The following ANKS3 variants were observed in gnomAD, a reference collection of about 807,000 sequenced individuals.
ANKS3 encodes the protein ankyrin repeat and SAM domain-containing protein 3.
Under a neutral mutation model 80.7 loss-of-function variants are expected in ANKS3, and 62 were observed. The observed-to-expected ratio is 0.77, with a 90% CI of 0.63 to 0.95. ANKS3 has a LOEUF of 0.95. Among genes scored for constraint, ANKS3 ranks in the 40% least tolerant of loss-of-function variants. The pLI, the probability that ANKS3 is intolerant of heterozygous loss-of-function variation, is 0.00. For missense variants in ANKS3, 1,150 were observed against 883.6 expected (o/e 1.30, Z -3.82); for synonymous variants, 489 against 355.3 (o/e 1.38, Z -4.23).
chr16:4,734,141 C>T lies in ANKS3; in HGVS notation c.-274G>A. The T allele has an allele frequency of 1.7e-6, 1 of 584,356 alleles. No individual in the cohort carries two copies. The highest frequency in any genetic ancestry group is 2.2e-6 in the Non-Finnish European group (1 of 463,358). The allele number at this position is 584,356 out of a possible 1,614,324, so 36.2% of individuals were successfully genotyped here. On this transcript the variant is annotated 5_prime_UTR_variant, in exon 1 of 18. Coordinates refer to ENST00000304283, the MANE Select transcript of ANKS3 (RefSeq NM_133450.4). Reference sequence around the variant, plus strand: ...GTGCCGGCAAGTGCTGGGGCCGGGCCGCCGCGGAACCCACCTGTGCTGGGC... The same window carrying T: ...GTGCCGGCAAGTGCTGGGGCCGGGCTGCCGCGGAACCCACCTGTGCTGGGC...
chr16:4,727,272 G>A (rs2081403476), intron 3 of ANKS3, 95 bp from the exon 4 acceptor site: 2 of 1,312,258 alleles, frequency 1.5e-6, no homozygotes, highest in East Asian at 2.4e-5. Flanking sequence ...GGGATGAGTT[G>A]ACAGGAAGCA....
chr16:4,700,991 C>A lies in ANKS3; in HGVS notation c.1263G>T (p.Arg421Ser). 1 of 1,613,918 alleles carries A rather than the reference C, an allele frequency of 6.2e-7. No individual in the cohort carries two copies. Among genetic ancestry groups the A allele is most frequent in the Non-Finnish European group, 8.5e-7 (1 of 1,179,936 alleles). ...FLAESSPQTQ[R>S]APYSGPQDLA... ...TTACCTGGGGTCCTGAGTAGGGGGC[C>A]CTCTGAGTCTGGGGGCTGGACTCAG... The change falls in exon 11 of 18, where the codon AGG becomes AGT. Residue 421 changes from arginine to serine, a missense_variant. Transcript: ENST00000304283.
chr16:4,714,990 CAAA>C (rs753327026), intron 6 of ANKS3, among the ~76,000 whole-genome samples: 4 of 36,614 alleles, frequency 1.1e-4, no homozygotes, highest in African/African-American at 6.0e-4. Flanking sequence ...GACTCTGTCT[CAAA>C]AAAAAAAAAA....
chr16:4,718,053 G>A (rs2080893842), intron 6 of ANKS3, among the ~76,000 whole-genome samples: 1 of 151,636 alleles, frequency 6.6e-6, no homozygotes, highest in African/African-American at 2.4e-5. Flanking sequence ...GGGATTACAG[G>A]CATGAGCCAC....
chr16:4,715,688 G>C (rs1217712926), intron 6 of ANKS3, among the ~76,000 whole-genome samples: 1 of 152,090 alleles, frequency 6.6e-6, no homozygotes, highest in African/African-American at 2.4e-5. Flanking sequence ...AACAATATTG[G>C]AAGGTAACAT....
chr16:4,716,353 T>C (rs1258854551), intron 6 of ANKS3, among the ~76,000 whole-genome samples: 3 of 103,732 alleles, frequency 2.9e-5, no homozygotes, highest in African/African-American at 3.9e-5. Flanking sequence ...ACACGGAGAC[T>C]CCAACTCAAA....
At position 4,721,663 on chromosome 16, in the gene ANKS3, T is replaced by C. The variant is rs547325604; in HGVS notation, c.573+3087A>G. ...ATTTATTTATTTATTTATTTAGAGA[T>C]AGTCTCACTCTGTCACCCAGGCTGG... On this transcript the variant is annotated intron_variant, in intron 6 of 17. Coordinates refer to ENST00000304283, the MANE Select transcript of ANKS3 (RefSeq NM_133450.4). Among the ~76,000 whole-genome samples, 52 of 141,760 alleles carry C rather than the reference T, an allele frequency of 3.7e-4. 4 individuals are homozygous for C. Among genetic ancestry groups the C allele is most frequent in the Middle Eastern group, 3.6e-3 (1 of 280 alleles). The allele number at this position is 141,760 out of a possible 152,430, so 93.0% of individuals were successfully genotyped here. A position where few individuals can be genotyped will look rare whatever the true frequency, so the allele number is the denominator to read the frequency against.
chr16:4,713,278 A>C (rs1303677625), intron 7 of ANKS3, among the ~76,000 whole-genome samples: 2 of 152,208 alleles, frequency 1.3e-5, no homozygotes, highest in African/African-American at 2.4e-5. Context: ...TCAAAAAAAA[A>C]ACAAAAGTTT....
At chr16:4,700,799 T>C (rs1307218238) in intron 11 of ANKS3, 171 bp downstream of exon 11, 5 of 892,888 alleles carry the variant, frequency 5.6e-6, no homozygotes, top group Non-Finnish European at 9.3e-6. Flanking sequence ...GCAGCGGGGC[T>C]GCCAGCCATG....
chr16:4,723,855 T>C (rs2081226711), intron 6 of ANKS3, among the ~76,000 whole-genome samples: 1 of 151,594 alleles, frequency 6.6e-6, no homozygotes, highest in Admixed American at 6.6e-5. Flanking sequence ...AATTCAAGAC[T>C]AGCCTGCACA....
Position 4,698,061 on chromosome 16 carries a change from C to T in ANKS3, c.1726G>A (p.Ala576Thr), listed in dbSNP as rs1567289587. The change falls in exon 15 of 18, where the codon GCC becomes ACC. Residue 576 changes from alanine to threonine, a missense_variant and splice_region_variant. By Grantham distance (58) the Ala-to-Thr change is moderately conservative. Coordinates refer to ENST00000304283, the MANE Select transcript of ANKS3 (RefSeq NM_133450.4). Reference sequence around the variant, plus strand: ...CGAGATGACAGCTCAGCTTGACAGGCTCTGCCAGACACAGAAACAAATATT... The same window carrying T: ...CGAGATGACAGCTCAGCTTGACAGGTTCTGCCAGACACAGAAACAAATATT... Reference protein sequence around the residue: ...DAALVLDQLRACQAELSSRVR... With the variant: ...DAALVLDQLRTCQAELSSRVR... 1.9e-6 allele frequency: 3 copies of T among 1,606,168 alleles called. No individual in the cohort carries two copies. Among genetic ancestry groups the T allele is most frequent in the Non-Finnish European group, 2.5e-6 (3 of 1,177,158 alleles).
chr16:4,703,879 G>GT (rs1308462702), intron 8 of ANKS3, among the ~76,000 whole-genome samples: 1 of 43,438 alleles, frequency 2.3e-5, no homozygotes, highest in African/African-American at 6.5e-5. Context: ...CTTCAGACAT[G>GT]TATGATTTTG....
At chr16:4,716,801 G>A (rs1369330185) in intron 6 of ANKS3, among the ~76,000 whole-genome samples, 1 of 151,980 alleles carries the variant, frequency 6.6e-6, no homozygotes, top group Non-Finnish European at 1.5e-5. Context: ...CTGTATCCCA[G>A]CTACTCAGGA....
rs1468460573 is a variant in ANKS3 at position 4,696,631 on chromosome 16, GC to G, written c.*276del. The G allele has an allele frequency of 3.9e-6, 1 of 255,856 alleles. No homozygotes were observed. The highest frequency in any genetic ancestry group is 7.6e-6 in the Non-Finnish European group (1 of 132,332). 15.8% of individuals were successfully genotyped at this position (255,856 alleles called of 1,614,324 possible). On this transcript the variant is annotated 3_prime_UTR_variant, in exon 18 of 18. Transcript: ENST00000304283. Reference sequence around the variant, plus strand: ...TATATGGATACACTTTCCCCCCAGGGCCCTGCCTGGTATGGGCCAGGGCAGC... The same window carrying G: ...TATATGGATACACTTTCCCCCCAGGGCCTGCCTGGTATGGGCCAGGGCAGC...
chr16:4,697,470 C>G, intron 15 of ANKS3, 54 bp from the exon 16 acceptor site: 1 of 1,421,848 alleles, frequency 7.0e-7, no homozygotes, highest in East Asian at 2.3e-5. Flanking sequence ...CCCCACAGGC[C>G]CTGCTTTATT....
At chr16:4,732,670 TTC>T (rs2081693865) in intron 1 of ANKS3, among the ~76,000 whole-genome samples, 1 of 117,384 alleles carries the variant, frequency 8.5e-6, no homozygotes, top group Non-Finnish European at 1.8e-5. Flanking sequence ...CAGAGCGAAA[TTC>T]TGTCTCAAAA....
intron 1 of ANKS3, among the ~76,000 whole-genome samples, chr16:4,732,805 C>T (rs1391541900): frequency 6.6e-6 from 1 of 151,410 alleles, no homozygotes; most frequent in Non-Finnish European, 1.5e-5. Context: ...TCTGTCCATT[C>T]TGAAAATGCT....
In ANKS3 at chr16:4,727,061, T is replaced by A; in HGVS notation, c.287A>T (p.Asn96Ile). 6.2e-7 allele frequency: 1 copy of A among 1,614,148 alleles called. No homozygotes were observed. Among genetic ancestry groups the A allele is most frequent in the East Asian group, 2.2e-5 (1 of 44,880 alleles). The change falls in exon 4 of 18, where the codon AAT (asparagine) becomes ATT (isoleucine). Residue 96 changes from asparagine (N) to isoleucine (I), a missense_variant. Physicochemically the swap from Asn to Ile is moderately radical, Grantham distance 149. Coordinates refer to ENST00000304283, the MANE Select transcript of ANKS3 (RefSeq NM_133450.4). Reference protein sequence around the residue: ...HLLLEAGVSVNVPTPEGQTPL... With the variant: ...HLLLEAGVSVIVPTPEGQTPL... Reference sequence around the variant, plus strand: ...AGTCTGCCCTTCTGGGGTCGGCACATTCACACTCACCCCCGCCTCAAGCAG... The same window carrying A: ...AGTCTGCCCTTCTGGGGTCGGCACAATCACACTCACCCCCGCCTCAAGCAG...
In ANKS3 at chr16:4,730,118, G is replaced by C. The variant is rs764575700; in HGVS notation, c.32C>G (p.Pro11Arg). The C allele has an allele frequency of 6.3e-7, 1 of 1,585,992 alleles. No individual in the cohort carries two copies. Among genetic ancestry groups the C allele is most frequent in the African/African-American group, 1.4e-5 (1 of 73,854 alleles). MSELSDEASE[P>R]ELLNRSLSMW... ...GGACAAGCTGCGGTTCAGGAGTTCC[G>C]GCTCGCTGGCTTCATCGCTGAGCTC... Residue 11 changes from proline (P) to arginine (R), a missense_variant, in exon 3 of 18, where the codon CCG becomes CGG. By Grantham distance (103) the Pro-to-Arg change is moderately radical. Coordinates refer to ENST00000304283, the MANE Select transcript of ANKS3 (RefSeq NM_133450.4).
Sources: gnomAD v4.1 joint callset for allele counts (sites outside exome capture counted in the v4.1 genomes callset) on GRCh38, gnomAD v4.1.1 for gene constraint, MANE v1.5 for transcripts, NCBI Gene and HGNC (gene_info 2026-07-23, HGNC 2026-07-21) for gene names.